Variants in CAMKK1 observed in about 807,000 individuals in gnomAD.
CAMKK1 encodes calcium/calmodulin-dependent protein kinase kinase 1.
Under a neutral mutation model 63.5 loss-of-function variants are expected in CAMKK1, and 20 were observed. The ratio of observed to expected loss-of-function variants is 0.32; its 90% CI spans 0.22 to 0.46. The LOEUF is 0.46. Among genes scored for constraint, CAMKK1 ranks in the 20% least tolerant of loss-of-function variants. CAMKK1 has a pLI of 1.00. For missense variants in CAMKK1, 588 were observed against 658.1 expected, an observed-to-expected ratio of 0.89 and a Z score of 1.17; for synonymous variants, 253 against 269.0, an observed-to-expected ratio of 0.94 and a Z score of 0.58.
At chr17:3,876,839 C>G (rs375013148) in intron 9 of CAMKK1, among the ~76,000 whole-genome samples, 1 of 150,784 alleles carries the variant, frequency 6.6e-6, no homozygotes, top group African/African-American at 2.4e-5. Context: ...CTCACTGCAG[C>G]CTCCACCTCC....
rs781234647 is a variant in CAMKK1, at chr17:3,873,453, C to A, written c.1006G>T (p.Val336Leu). ...TACAACGTGACGCCAGTGGCCCATA[C>A]ATCCAAGGCCTGGAAAGAAACATGC... ...GQSFSGKALD[V>L]WATGVTLYCF... Residue 336 changes from valine to leucine, a missense_variant, in exon 11 of 16, where the codon GTA becomes TTA. By Grantham distance (32) the Val-to-Leu change is conservative. Coordinates refer to ENST00000348335, the MANE Select transcript of CAMKK1 (RefSeq NM_032294.3). 3 of 1,614,146 alleles carry A rather than the reference C, an allele frequency of 1.9e-6. No individual in the cohort carries two copies. Among genetic ancestry groups the A allele is most frequent in the African/African-American group, 2.7e-5 (2 of 75,040 alleles).
rs1032222058 is a variant in CAMKK1 at position 3,862,411 on chromosome 17, A to G, written c.1446-128T>C. On this transcript the variant is annotated intron_variant, in intron 15 of 15. Coordinates refer to ENST00000348335, the MANE Select transcript of CAMKK1 (RefSeq NM_032294.3). This position sits in a 1 kb window ranked among gnomAD's most constrained non-coding sequence, Gnocchi z 4.1. ...AAAGCCCCCTTCACCCACTGCCCCA[A>G]GCTTGGCCTCCCTCTGGCCTCCCTA... 1.2e-6 allele frequency: 1 copy of G among 803,912 alleles called. No homozygotes were observed. Among genetic ancestry groups the G allele is most frequent in the Non-Finnish European group, 2.0e-6 (1 of 492,140 alleles). 49.8% of individuals were successfully genotyped at this position (803,912 alleles called of 1,614,324 possible). A position where few individuals can be genotyped will look rare whatever the true frequency, so the allele number is the denominator to read the frequency against.
Position 3,887,878 on chromosome 17 carries a change from C to G in CAMKK1, c.-43-2148G>C, listed in dbSNP as rs1181415880. ...GGTGGCCCACCCCTCCGCCCCTTCCCCTCACTCCGCATGCCTTGTTTTTCC... is the reference window on the plus strand; with the variant it reads ...GGTGGCCCACCCCTCCGCCCCTTCCGCTCACTCCGCATGCCTTGTTTTTCC... On this transcript the variant is annotated intron_variant, in intron 1 of 15. Transcript: ENST00000348335. The surrounding 1 kb of genome is among the most constrained non-coding windows in gnomAD (Gnocchi z 6.1). 6.6e-6 allele frequency among the ~76,000 whole-genome samples: 1 copy of G among 152,204 alleles called. No homozygotes were observed. The highest frequency in any genetic ancestry group is 1.5e-5 in the Non-Finnish European group (1 of 68,020).
intron 7 of CAMKK1, 117 bp from the exon 8 acceptor site, chr17:3,881,765 G>C: frequency 1.1e-6 from 1 of 912,776 alleles, no homozygotes; most frequent in South Asian, 1.4e-5. Flanking sequence ...ACTCGAGGCA[G>C]GGACAGGACA....
rs762230486 is a variant in CAMKK1, at chr17:3,861,694, G to A, written c.*517C>T. On this transcript the variant is annotated 3_prime_UTR_variant, in exon 16 of 16. Coordinates refer to ENST00000348335, the MANE Select transcript of CAMKK1 (RefSeq NM_032294.3). ...ACACTGGCCCTGTCCCCAGTGAGGG[G>A]TCCGAGCCCCCATACCAGCGTCTGA... 1 of 157,890 alleles carries A rather than the reference G, an allele frequency of 6.3e-6. No homozygotes were observed. The highest frequency in any genetic ancestry group is 2.4e-5 in the African/African-American group (1 of 41,596). 9.8% of individuals were successfully genotyped at this position (157,890 alleles called of 1,614,324 possible).
At chr17:3,863,949 CT>C (rs939360773) in intron 15 of CAMKK1, among the ~76,000 whole-genome samples, 1 of 151,350 alleles carries the variant, frequency 6.6e-6, no homozygotes. Flanking sequence ...ATTATTATTA[CT>C]TTTTTTTCTT....
At chr17:3,867,428 C>T (rs1011784165) in intron 14 of CAMKK1, among the ~76,000 whole-genome samples, 19 of 152,094 alleles carry the variant, frequency 1.2e-4, no homozygotes, top group African/African-American at 2.7e-4. Context: ...CACAGCAGCC[C>T]GAGTGAGAAG....
chr17:3,878,476 G>T (rs1322850813), intron 9 of CAMKK1, among the ~76,000 whole-genome samples: 1 of 152,202 alleles, frequency 6.6e-6, no homozygotes, highest in African/African-American at 2.4e-5. Context: ...ACAGGAAGGA[G>T]GTGGAGCCAA....
Position 3,889,216 on chromosome 17 carries a change from G to C in CAMKK1, c.-43-3486C>G, listed in dbSNP as rs372948401. ...CAGGCCCATCTGGAGGCTCACACAG[G>C]GGGTGTCTCAAGGCCCTTCCCAAGC... is the stretch of plus-strand genomic sequence containing the variant. On this transcript the variant is annotated intron_variant, in intron 1 of 15. Transcript: ENST00000348335. The surrounding 1 kb of genome is among the most constrained non-coding windows in gnomAD (Gnocchi z 5.2). Among the ~76,000 whole-genome samples, 6 of 152,214 alleles carry C rather than the reference G, an allele frequency of 3.9e-5. No homozygotes were observed. The highest frequency in any genetic ancestry group is 9.6e-5 in the African/African-American group (4 of 41,520).
rs1163751936 is a variant in CAMKK1, at chr17:3,892,538, G to A, written c.-44+401C>T. 6.6e-6 allele frequency among the ~76,000 whole-genome samples: 1 copy of A among 152,112 alleles called. No homozygotes were observed. Among genetic ancestry groups the A allele is most frequent in the African/African-American group, 2.4e-5 (1 of 41,424 alleles). ...CCCGGCTCCTGCAGGAAGACGCTCC[G>A]GCGGGCCGTGGGAGGAGCGCTCCGC... On this transcript the variant is annotated intron_variant, in intron 1 of 15. Coordinates refer to ENST00000348335, the MANE Select transcript of CAMKK1 (RefSeq NM_032294.3). The surrounding 1 kb of genome is among the most constrained non-coding windows in gnomAD (Gnocchi z 7.5).
intron 1 of CAMKK1, among the ~76,000 whole-genome samples, chr17:3,888,701 C>T (rs1039878883): frequency 6.6e-6 from 1 of 152,188 alleles, no homozygotes; most frequent in African/African-American, 2.4e-5. Context: ...AAGGCGGCCG[C>T]GAGGGCTGAC....
At chr17:3,865,254 G>A in intron 15 of CAMKK1, 1 of 986,206 alleles carries the variant, frequency 1.0e-6, no homozygotes, top group Non-Finnish European at 1.2e-6. Context: ...ACCCTCCTAG[G>A]AGGTGGTGAA....
Position 3,884,591 on chromosome 17 carries a change from G to A in CAMKK1, c.361-164C>T, listed in dbSNP as rs149770021. On this transcript the variant is annotated intron_variant, in intron 2 of 15. Coordinates refer to ENST00000348335, the MANE Select transcript of CAMKK1 (RefSeq NM_032294.3). This position sits in a 1 kb window ranked among gnomAD's most constrained non-coding sequence, Gnocchi z 4.5. ...GGATGGGGAAGTTGGTGGTGCCATC[G>A]CCCCCGTATGTGACGAGAAGACGTG... Among the ~76,000 whole-genome samples, 64 of 152,302 alleles carry A rather than the reference G, an allele frequency of 4.2e-4. No homozygotes were observed. The highest frequency in any genetic ancestry group is 1.4e-3 in the African/African-American group (58 of 41,554).
rs557548444 is a variant in CAMKK1, at chr17:3,873,545, C to T, written c.997-83G>A. ...AGCTCCAGCGGGCTGCAGGAGAGGC[C>T]TGCAGGGAACCTCTTTCCTCTGTCA... is the stretch of plus-strand genomic sequence containing the variant. On this transcript the variant is annotated intron_variant, in intron 10 of 15. Coordinates refer to ENST00000348335, the MANE Select transcript of CAMKK1 (RefSeq NM_032294.3). 1.5e-5 allele frequency: 19 copies of T among 1,307,286 alleles called. No individual in the cohort carries two copies. The South Asian group carries it at 2.1e-4, about 15-fold the overall frequency. The allele number at this position is 1,307,286 out of a possible 1,614,324, so 81.0% of individuals were successfully genotyped here.
chr17:3,884,056 C>G lies in CAMKK1; in HGVS notation c.409-119G>C, dbSNP rs1228800687. ...TGCACCCCATCTGCACTACCCACCA[C>G]CAGCTGGCTCACGGGCAAATATTGT... On this transcript the variant is annotated intron_variant, in intron 3 of 15. Transcript: ENST00000348335. The surrounding 1 kb of genome is among the most constrained non-coding windows in gnomAD (Gnocchi z 4.5). 1.0e-6 allele frequency: 1 copy of G among 976,990 alleles called. No homozygotes were observed. The allele number at this position is 976,990 out of a possible 1,614,324, so 60.5% of individuals were successfully genotyped here. A position where few individuals can be genotyped will look rare whatever the true frequency, so the allele number is the denominator to read the frequency against.
chr17:3,874,720 G>C (rs895263974), intron 10 of CAMKK1, among the ~76,000 whole-genome samples: 9 of 151,434 alleles, frequency 5.9e-5, no homozygotes, highest in Non-Finnish European at 1.0e-4. Flanking sequence ...CGTTGGCCAG[G>C]CTGGTCTCAA....
Position 3,862,799 on chromosome 17 carries a change from T to C in CAMKK1, c.1446-516A>G, listed in dbSNP as rs928201465. Among the ~76,000 whole-genome samples, 5 of 151,882 alleles carry C rather than the reference T, an allele frequency of 3.3e-5. No homozygotes were observed. The highest frequency in any genetic ancestry group is 7.4e-5 in the Non-Finnish European group (5 of 68,018). ...CACATGCCACCACGCCCAGCTAATT[T>C]TTGTATTTTTTTATCTCTATAAAAA... On this transcript the variant is annotated intron_variant, in intron 15 of 15. Coordinates refer to ENST00000348335, the MANE Select transcript of CAMKK1 (RefSeq NM_032294.3). The surrounding 1 kb of genome is among the most constrained non-coding windows in gnomAD (Gnocchi z 4.1).
At position 3,882,175 on chromosome 17, in the gene CAMKK1, G is replaced by A. The variant is rs1036080079; in HGVS notation, c.685+353C>T. The A allele has an allele frequency of 5.4e-6, 5 of 920,022 alleles. No individual in the cohort carries two copies. The highest frequency in any genetic ancestry group is 1.7e-5 in the African/African-American group (1 of 60,404). The allele number at this position is 920,022 out of a possible 1,614,324, so 57.0% of individuals were successfully genotyped here. The stretch of plus-strand genomic sequence containing the variant: ...GAACCCTATGAGGTAGACACCACTA[G>A]TATCCCTGTTTTATAGGTGGGAAAA... On this transcript the variant is annotated intron_variant, in intron 7 of 15. Coordinates refer to ENST00000348335, the MANE Select transcript of CAMKK1 (RefSeq NM_032294.3). This position sits in a 1 kb window ranked among gnomAD's most constrained non-coding sequence, Gnocchi z 4.3.
At chr17:3,885,264 G>C in intron 2 of CAMKK1, 64 bp downstream of exon 2, 1 of 1,475,706 alleles carries the variant, frequency 6.8e-7, no homozygotes, top group Non-Finnish European at 9.0e-7. Context: ...ACAGGGGCAG[G>C]AAAGAGTCTT....
Sources: allele counts gnomAD v4.1 joint callset (sites outside exome capture counted in the v4.1 genomes callset), GRCh38; gene constraint gnomAD v4.1.1; non-coding constraint Gnocchi (gnomAD v3.1); transcripts MANE v1.5; gene names NCBI Gene and HGNC (gene_info 2026-07-23, HGNC 2026-07-21).